The following ATP8A2 variants were observed in gnomAD, a reference collection of about 807,000 sequenced individuals.
The protein encoded by ATP8A2 is ATPase phospholipid transporting 8A2, also known as phospholipid-transporting ATPase IB.
In ATP8A2, 100 loss-of-function variants were observed where a neutral mutation model predicts 165.6. The observed-to-expected ratio is 0.60, with a 90% CI of 0.51 to 0.71. The LOEUF (loss-of-function observed/expected upper bound fraction) is 0.71, where lower values mean the gene tolerates loss of function less well. Ranked by LOEUF, ATP8A2 falls within the 30% of genes least tolerant of loss-of-function variation. The pLI is 0.00. For missense variants in ATP8A2, 1,227 were observed against 1,479.5 expected, an observed-to-expected ratio of 0.83 and a Z score of 2.80; for synonymous variants, 543 against 548.8, an observed-to-expected ratio of 0.99 and a Z score of 0.15.
intron 25 of ATP8A2, among the ~76,000 whole-genome samples, chr13:25,759,119 TC>T (rs2044326574): frequency 6.6e-6 from 1 of 152,154 alleles, no homozygotes; most frequent in Non-Finnish European, 1.5e-5. Context: ...GCCATTGCTG[TC>T]CCTGTGGCTC....
Position 25,516,029 on chromosome 13 carries a change from G to A in ATP8A2, c.222-13970G>A, listed in dbSNP as rs183847708. 6.2e-4 allele frequency among the ~76,000 whole-genome samples: 95 copies of A among 152,272 alleles called. 1 individual carries two copies. The Middle Eastern group carries it at 0.017, about 27-fold the overall frequency. On this transcript the variant is annotated intron_variant, in intron 2 of 36. Coordinates refer to ENST00000381655, the MANE Select transcript of ATP8A2 (RefSeq NM_016529.6). ...CCAGAAAGATAGAATAATATAGCTT[G>A]CCCCAGATTTTTAACTCTACAACAT...
At chr13:25,595,830 G>A (rs986567673) in intron 24 of ATP8A2, among the ~76,000 whole-genome samples, 7 of 152,102 alleles carry the variant, frequency 4.6e-5, no homozygotes, top group African/African-American at 1.7e-4. Flanking sequence ...GAGGAGGAGG[G>A]TCTGATGCTG....
At chr13:25,705,049 A>G (rs909576482) in intron 25 of ATP8A2, 3 of 268,164 alleles carry the variant, frequency 1.1e-5, no homozygotes, top group African/African-American at 6.9e-5. Context: ...AGGATTTGTC[A>G]TTCTCCAAAG....
At chr13:25,861,384 A>G (rs1041343260) in intron 32 of ATP8A2, among the ~76,000 whole-genome samples, 1 of 152,224 alleles carries the variant, frequency 6.6e-6, no homozygotes, top group African/African-American at 2.4e-5. Flanking sequence ...ATTGTTCTTG[A>G]TTAAAGAGTA....
At chr13:25,998,884 A>G (rs1956574137) in intron 35 of ATP8A2, among the ~76,000 whole-genome samples, 1 of 152,204 alleles carries the variant, frequency 6.6e-6, no homozygotes, top group South Asian at 2.1e-4. Flanking sequence ...ACTGCTCACA[A>G]TATCTTCTGG....
chr13:25,660,733 T>C (rs79395051), intron 24 of ATP8A2, among the ~76,000 whole-genome samples: 1 of 152,218 alleles, frequency 6.6e-6, no homozygotes, highest in East Asian at 1.9e-4. Context: ...CATTAAACAA[T>C]ACCTCTTTAA....
chr13:25,451,022 C>A (rs181236223), intron 1 of ATP8A2, among the ~76,000 whole-genome samples: 1 of 152,204 alleles, frequency 6.6e-6, no homozygotes, highest in African/African-American at 2.4e-5. Flanking sequence ...TTCCACATTG[C>A]TTCTTCAGAT....
chr13:25,765,169 A>T (rs1425905935), intron 25 of ATP8A2, among the ~76,000 whole-genome samples: 1 of 152,182 alleles, frequency 6.6e-6, no homozygotes, highest in Non-Finnish European at 1.5e-5. Context: ...AGAAAAACTT[A>T]TTTTTCATTT....
At chr13:25,569,231 A>G (rs953214478) in intron 16 of ATP8A2, among the ~76,000 whole-genome samples, 43 of 152,326 alleles carry the variant, frequency 2.8e-4, no homozygotes, top group Admixed American at 2.2e-3. Context: ...AGGAATGTGT[A>G]AATTCCCTAA....
chr13:25,859,595 G>A (rs531339037), intron 30 of ATP8A2, among the ~76,000 whole-genome samples: 11 of 151,760 alleles, frequency 7.2e-5, no homozygotes, highest in African/African-American at 2.7e-4. Context: ...TAGGAAAACT[G>A]AGGCTTAAAA....
chr13:25,562,483 C>A (rs896231369), intron 15 of ATP8A2, among the ~76,000 whole-genome samples: 1 of 152,138 alleles, frequency 6.6e-6, no homozygotes, highest in Admixed American at 6.5e-5. Context: ...GGATTGCCTG[C>A]CTGGAGAATG....
Position 26,019,913 on chromosome 13 carries a change from A to G in ATP8A2, c.3495A>G (p.Glu1165=). The change falls in exon 37 of 37, where the codon GAA becomes GAG. Residue 1165 remains glutamate (E), a synonymous_variant. Coordinates refer to ENST00000381655, the MANE Select transcript of ATP8A2 (RefSeq NM_016529.6). ...ATGGGTATGCTTTTTCTCAAGAAGA[A>G]CACGGAGCTGTTAGTCAGGAAGAAG... ...VPHGYAFSQE[E]HGAVSQEEVI... The G allele has an allele frequency of 6.2e-7, 1 of 1,614,054 alleles. No homozygotes were observed. Among genetic ancestry groups the G allele is most frequent in the Middle Eastern group, 1.6e-4 (1 of 6,062 alleles).
Position 25,750,633 on chromosome 13 carries a change from G to C in ATP8A2, c.2385-18413G>C, listed in dbSNP as rs2044133366. ...GGATTCTAGAAATGAGTGTGTTCCAGTAATAGGGAGGAAGTGTGGGGAGCC... is the reference window on the plus strand; with the variant it reads ...GGATTCTAGAAATGAGTGTGTTCCACTAATAGGGAGGAAGTGTGGGGAGCC... On this transcript the variant is annotated intron_variant, in intron 25 of 36. Transcript: ENST00000381655. The surrounding 1 kb of genome is among the most constrained non-coding windows in gnomAD (Gnocchi z 4.3). Among the ~76,000 whole-genome samples the C allele has an allele frequency of 1.3e-5, 2 of 152,292 alleles. No homozygotes were observed. Among genetic ancestry groups the C allele is most frequent in the Non-Finnish European group, 2.9e-5 (2 of 68,032 alleles).
At chr13:25,904,503 C>G (rs1362446607) in intron 33 of ATP8A2, among the ~76,000 whole-genome samples, 4 of 152,228 alleles carry the variant, frequency 2.6e-5, no homozygotes, top group East Asian at 3.9e-4. Context: ...CACCATGCGC[C>G]TCTTCCTGCC....
At chr13:25,851,696 G>T (rs531811428) in intron 30 of ATP8A2, among the ~76,000 whole-genome samples, 1 of 152,162 alleles carries the variant, frequency 6.6e-6, no homozygotes, top group Admixed American at 6.5e-5. Context: ...CTGGTACATA[G>T]TCTTAAGGGT....
intron 2 of ATP8A2, among the ~76,000 whole-genome samples, chr13:25,513,337 C>A (rs936114792): frequency 2.6e-5 from 4 of 151,250 alleles, no homozygotes; most frequent in African/African-American, 9.7e-5. Context: ...GGGGCAGAGG[C>A]GCTCCCCACA....
In ATP8A2 at chr13:25,763,557, C is replaced by T. The variant is rs142476824; in HGVS notation, c.2385-5489C>T. ...GGTACCTATTGGGCTCGCCTGAATG[C>T]ACCCCCATTCCTGCCACTATCCTTT... On this transcript the variant is annotated intron_variant, in intron 25 of 36. Transcript: ENST00000381655. Among the ~76,000 whole-genome samples, 61 of 152,270 alleles carry T rather than the reference C, an allele frequency of 4.0e-4. 1 individual carries two copies. Among genetic ancestry groups the T allele is most frequent in the African/African-American group, 1.4e-3 (57 of 41,564 alleles).
intron 35 of ATP8A2, among the ~76,000 whole-genome samples, chr13:25,970,650 A>C (rs1566314085): frequency 6.6e-6 from 1 of 151,972 alleles, no homozygotes; most frequent in Non-Finnish European, 1.5e-5. Context: ...TCTTTGGGGG[A>C]TTAAGGTTCG....
chr13:25,814,729 A>T (rs1357750731), intron 27 of ATP8A2, among the ~76,000 whole-genome samples: 2 of 152,174 alleles, frequency 1.3e-5, no homozygotes, highest in East Asian at 3.8e-4. Flanking sequence ...GAAAAAGATA[A>T]TTCAGGACAG....
Sources: gnomAD v4.1 joint callset for allele counts (sites outside exome capture counted in the v4.1 genomes callset) on GRCh38, gnomAD v4.1.1 for gene constraint, Gnocchi (gnomAD v3.1) non-coding constraint, MANE v1.5 for transcripts, NCBI Gene and HGNC (gene_info 2026-07-23, HGNC 2026-07-21) for gene names.